USP12: variants seen among roughly 807,000 people sequenced by gnomAD.
USP12 encodes the protein ubiquitin carboxyl-terminal hydrolase 12.
USP12 carries 19 observed loss-of-function variants against 45.5 expected under a neutral mutation model. The observed-to-expected ratio is 0.42, with a 90% confidence interval of 0.29 to 0.61. The LOEUF (loss-of-function observed/expected upper bound fraction) is 0.61. USP12 is among the 20% of genes least tolerant of loss of function. The probability of loss-of-function intolerance (pLI) is 0.22; values close to 1 mark genes in which losing one functional copy is unlikely to be tolerated. For missense variants in USP12, 242 were observed against 447.7 expected (o/e 0.54, Z 4.15); for synonymous variants, 149 against 148.8 (o/e 1.00, Z -0.01).
chr13:27,112,845 G>C (rs1290092187), intron 2 of USP12, among the ~76,000 whole-genome samples: 1 of 152,150 alleles, frequency 6.6e-6, no homozygotes, highest in Non-Finnish European at 1.5e-5. Context: ...CATCAGAAAT[G>C]CTAATATTTT....
intron 6 of USP12, among the ~76,000 whole-genome samples, chr13:27,080,417 T>C (rs1593173073): frequency 6.6e-6 from 1 of 152,202 alleles, no homozygotes; most frequent in Non-Finnish European, 1.5e-5. Flanking sequence ...CAGGAAGCCA[T>C]TCAATCATTA....
chr13:27,165,350 T>G (rs578195915), intron 1 of USP12, among the ~76,000 whole-genome samples: 2 of 152,232 alleles, frequency 1.3e-5, no homozygotes, highest in South Asian at 2.1e-4. Context: ...TATATACTAC[T>G]AATAAACTAA....
intron 1 of USP12, among the ~76,000 whole-genome samples, chr13:27,132,796 C>T (rs1876566910): frequency 6.6e-6 from 1 of 152,228 alleles, no homozygotes; most frequent in Non-Finnish European, 1.5e-5. Flanking sequence ...GCTCTCTCCA[C>T]TCTCACGCAC....
chr13:27,073,330 T>C (rs1270950205), intron 7 of USP12, among the ~76,000 whole-genome samples: 1 of 152,242 alleles, frequency 6.6e-6, no homozygotes, highest in Non-Finnish European at 1.5e-5. Context: ...TGCAATTTTC[T>C]GCAACAATTC....
chr13:27,116,561 A>T lies in USP12; in HGVS notation c.84T>A (p.Gly28=). 1 of 1,613,092 alleles carries T rather than the reference A, an allele frequency of 6.2e-7. No homozygotes were observed. The highest frequency in any genetic ancestry group is 1.3e-5 in the African/African-American group (1 of 75,000). Residue 28 remains glycine, a synonymous_variant, in exon 2 of 9, where the codon GGT becomes GGA. Transcript: ENST00000282344. ...GCTCATTGACCGGAAACTGTTCTGG[A>T]CCAATCTCTTTCTCTAATGCCGAAG... The part of the protein sequence containing the change: ...ANASALEKEI[G]PEQFPVNEHY...
At chr13:27,113,741 A>G (rs533499030) in intron 2 of USP12, among the ~76,000 whole-genome samples, 2 of 152,350 alleles carry the variant, frequency 1.3e-5, no homozygotes, top group African/African-American at 4.8e-5. Flanking sequence ...GACCTGGGCC[A>G]GAGCTCTTTT....
intron 1 of USP12, among the ~76,000 whole-genome samples, chr13:27,132,484 A>T (rs940336148): frequency 6.6e-5 from 10 of 152,216 alleles, no homozygotes; most frequent in African/African-American, 1.7e-4. Context: ...GCCCTCACTC[A>T]TTAAATTACT....
intron 1 of USP12, among the ~76,000 whole-genome samples, chr13:27,150,826 A>G (rs1877531940): frequency 6.6e-6 from 1 of 152,176 alleles, no homozygotes; most frequent in East Asian, 1.9e-4. Flanking sequence ...CTTTTTAACA[A>G]CTGGCGCTGG....
chr13:27,150,954 T>TA, intron 1 of USP12, among the ~76,000 whole-genome samples: 1 of 152,242 alleles, frequency 6.6e-6, no homozygotes, highest in African/African-American at 2.4e-5. Context: ...AGAAAACTCT[T>TA]AAACACTGGA....
chr13:27,075,340 T>A lies in USP12; in HGVS notation c.783A>T (p.Arg261Ser), dbSNP rs1249246560. 1 of 1,614,030 alleles carries A rather than the reference T, an allele frequency of 6.2e-7. No homozygotes were observed. Among genetic ancestry groups the A allele is most frequent in the Non-Finnish European group, 8.5e-7 (1 of 1,180,020 alleles). Reference protein sequence around the residue: ...LPMILALHLKRFKYMDQLHRY... With the variant: ...LPMILALHLKSFKYMDQLHRY... The stretch of plus-strand genomic sequence containing the variant: ...GATGAAGTTGATCCATATATTTAAA[T>A]CTCTTCAGGTGTAGAGCTAGAATCA... The change falls in exon 7 of 9, where the codon AGA (arginine) becomes AGT (serine). Residue 261 changes from arginine (R) to serine (S), a missense_variant. Physicochemically the swap from Arg to Ser is moderately radical, Grantham distance 110. This residue lies in a region of USP12 where 94 missense variants were observed against 168.3 expected (regional missense o/e 0.56). Coordinates refer to ENST00000282344, the MANE Select transcript of USP12 (RefSeq NM_182488.4).
intron 1 of USP12, among the ~76,000 whole-genome samples, chr13:27,139,542 G>T (rs1264166229): frequency 6.6e-6 from 1 of 152,164 alleles, no homozygotes; most frequent in East Asian, 1.9e-4. Context: ...CTTGAACCTG[G>T]GAGGCGGAGG....
At chr13:27,088,205 T>G (rs1412053631) in intron 6 of USP12, among the ~76,000 whole-genome samples, 1 of 152,052 alleles carries the variant, frequency 6.6e-6, no homozygotes, top group Non-Finnish European at 1.5e-5. Flanking sequence ...CGGATCACGA[T>G]GTCAGGAGAT....
intron 3 of USP12, among the ~76,000 whole-genome samples, chr13:27,101,934 G>C (rs1361019602): frequency 1.3e-5 from 2 of 152,134 alleles, no homozygotes; most frequent in African/African-American, 4.8e-5. Flanking sequence ...GGTTCCTTAA[G>C]AACAAGGACC....
chr13:27,073,743 G>A (rs945288368), intron 7 of USP12, among the ~76,000 whole-genome samples: 2 of 152,144 alleles, frequency 1.3e-5, no homozygotes, highest in Admixed American at 6.5e-5. Flanking sequence ...GTAGCTAAGC[G>A]ATTTACATCT....
intron 3 of USP12, among the ~76,000 whole-genome samples, chr13:27,101,208 T>C (rs1161023093): frequency 6.6e-6 from 1 of 152,238 alleles, no homozygotes; most frequent in Non-Finnish European, 1.5e-5. Context: ...TAGAGTATAC[T>C]GAATATGCCA....
At chr13:27,103,825 G>C (rs979332100) in intron 3 of USP12, among the ~76,000 whole-genome samples, 1 of 149,282 alleles carries the variant, frequency 6.7e-6, no homozygotes, top group Non-Finnish European at 1.5e-5. Flanking sequence ...AAAAAATAAC[G>C]AACACTGTAA....
At position 27,146,081 on chromosome 13, in the gene USP12, TAATC is replaced by T. The variant is rs988807020; in HGVS notation, c.48+25507_48+25510del. On this transcript the variant is annotated intron_variant, in intron 1 of 8. Transcript: ENST00000282344. ...TTACACACTGACTATACTTCTTTTA[TAATC>T]AATCAAACAGTAAAATTTCTTTAAA... Among the ~76,000 whole-genome samples the T allele has an allele frequency of 7.2e-5, 11 of 152,296 alleles. No individual in the cohort carries two copies. In the East Asian group the frequency reaches 1.5e-3, roughly 21 times the overall value.
chr13:27,069,121 A>G lies in USP12; in HGVS notation c.*162T>C. ...AAATAAATCAACTACCATGATCGGA[A>G]GGGCTTGTCAATCCATCGTCTTTGC... On this transcript the variant is annotated 3_prime_UTR_variant, in exon 9 of 9. Coordinates refer to ENST00000282344, the MANE Select transcript of USP12 (RefSeq NM_182488.4). 3 of 651,798 alleles carry G rather than the reference A, an allele frequency of 4.6e-6. 1 individual carries two copies. The South Asian group carries it at 5.2e-5, about 11-fold the overall frequency. The allele number at this position is 651,798 out of a possible 1,614,324, so 40.4% of individuals were successfully genotyped here.
intron 1 of USP12, among the ~76,000 whole-genome samples, chr13:27,157,210 G>T (rs1304614770): frequency 1.3e-5 from 2 of 152,070 alleles, no homozygotes; most frequent in East Asian, 3.8e-4. Context: ...TGTTTTGTTG[G>T]TTTTTTATTT....
Sources: allele counts gnomAD v4.1 joint callset (sites outside exome capture counted in the v4.1 genomes callset), GRCh38; gene constraint gnomAD v4.1.1; regional missense constraint gnomAD v4.1.1; transcripts MANE v1.5; gene names NCBI Gene and HGNC (gene_info 2026-07-23, HGNC 2026-07-21).